Variants in AKR1B15 observed in about 807,000 individuals in gnomAD.
AKR1B15 encodes the protein aldo-keto reductase family 1 member B15.
In AKR1B15, 49 loss-of-function variants were observed where a neutral mutation model predicts 38.5. That is an observed-to-expected ratio of 1.27 (90% CI 1.01 to 1.62). AKR1B15 has a LOEUF of 1.62. Among genes scored for constraint, AKR1B15 ranks in the 40% most tolerant of loss-of-function variants. AKR1B15 has a pLI of 0.00. For missense variants in AKR1B15, 411 were observed against 381.6 expected, an observed-to-expected ratio of 1.08 and a Z score of -0.64; for synonymous variants, 137 against 135.5, an observed-to-expected ratio of 1.01 and a Z score of -0.08.
At chr7:134,569,163 T>G (rs1036280959) in intron 4 of AKR1B15, among the ~76,000 whole-genome samples, 1 of 152,252 alleles carries the variant, frequency 6.6e-6, no homozygotes, top group Middle Eastern at 3.2e-3. Flanking sequence ...CCACATTTAC[T>G]TAAATGATCT....
intron 4 of AKR1B15, 75 bp downstream of exon 4, chr7:134,568,400 A>G (rs778459675): frequency 1.3e-6 from 2 of 1,581,012 alleles, no homozygotes; most frequent in East Asian, 2.2e-5. Context: ...GGGCAGCAAG[A>G]ACTCTGTCGG....
chr7:134,558,235 A>T (rs1794269424), intron 2 of AKR1B15, among the ~76,000 whole-genome samples: 1 of 152,338 alleles, frequency 6.6e-6, no homozygotes, highest in Admixed American at 6.5e-5. Flanking sequence ...ATCTAAGGAA[A>T]TTGCGCCTTG....
At chr7:134,560,509 C>T (rs1332782291) in intron 2 of AKR1B15, among the ~76,000 whole-genome samples, 10 of 152,040 alleles carry the variant, frequency 6.6e-5, no homozygotes, top group Admixed American at 3.3e-4. Flanking sequence ...GGTTGTTACA[C>T]GAAAACAGCT....
rs139789097 is a variant in AKR1B15 at position 134,556,719 on chromosome 7, C to G, written c.-146-17C>G. ...AGAAGGACAACTTCTCATTGCTCCC[C>G]CTGAATTGCATTTCAGGTTTCACCG... On this transcript the variant is annotated splice_polypyrimidine_tract_variant and intron_variant, in intron 1 of 11. Coordinates refer to ENST00000457545, the MANE Select transcript of AKR1B15 (RefSeq NM_001080538.3). 10 of 152,260 alleles carry G rather than the reference C, an allele frequency of 6.6e-5. No individual in the cohort carries two copies. Among genetic ancestry groups the G allele is most frequent in the African/African-American group, 2.4e-4 (10 of 41,534 alleles). 9.4% of individuals were successfully genotyped at this position (152,260 alleles called of 1,614,324 possible).
At chr7:134,577,862 G>A in intron 11 of AKR1B15, 76 bp downstream of exon 11, 2 of 1,524,820 alleles carry the variant, frequency 1.3e-6, no homozygotes, top group Non-Finnish European at 1.8e-6. Flanking sequence ...GGAAGGATTA[G>A]AAGGTTGTTG....
intron 5 of AKR1B15, 93 bp from the exon 6 acceptor site, chr7:134,571,511 G>A (rs1794665928): frequency 1.1e-6 from 1 of 909,586 alleles, no homozygotes; most frequent in Admixed American, 1.9e-5. Context: ...TGCAGATGTG[G>A]TATTTAGCAA....
rs371502538 is a variant in AKR1B15, at chr7:134,575,819, A to G, written c.637-2A>G. ...CGTGATGAGGATTGTTTGCTGTTGC[A>G]GGTTGAGTGTCACCCATACCTCACG... On this transcript the variant is annotated splice_acceptor_variant, in intron 7 of 11. Coordinates refer to ENST00000457545, the MANE Select transcript of AKR1B15 (RefSeq NM_001080538.3). LOFTEE classifies it high-confidence loss of function. 4.3e-6 allele frequency: 7 copies of G among 1,613,670 alleles called. No homozygotes were observed. The highest frequency in any genetic ancestry group is 5.9e-6 in the Non-Finnish European group (7 of 1,179,812).
chr7:134,569,445 G>A lies in AKR1B15; in HGVS notation c.351G>A (p.Val117=), dbSNP rs1200942949. Residue 117 remains valine (V), a synonymous_variant, in exon 5 of 12, where the codon GTG becomes GTA. Coordinates refer to ENST00000457545, the MANE Select transcript of AKR1B15 (RefSeq NM_001080538.3). ...VWPTFFERPL[V]RKAFEKTLKD... ...CCACTTTCTTTGAGAGACCCCTTGTGAGGAAAGCCTTTGAGAAGACCCTCA... is the reference window on the plus strand; with the variant it reads ...CCACTTTCTTTGAGAGACCCCTTGTAAGGAAAGCCTTTGAGAAGACCCTCA... 7.4e-6 allele frequency: 12 copies of A among 1,613,960 alleles called. No homozygotes were observed. The South Asian group carries it at 1.1e-4, about 15-fold the overall frequency.
At chr7:134,557,784 T>C (rs1314091424) in intron 2 of AKR1B15, among the ~76,000 whole-genome samples, 1 of 152,166 alleles carries the variant, frequency 6.6e-6, no homozygotes, top group Non-Finnish European at 1.5e-5. Flanking sequence ...TAGCCCCTTC[T>C]TCGGGGCTGA....
At chr7:134,566,728 T>TC (rs538786741) in intron 3 of AKR1B15, among the ~76,000 whole-genome samples, 459 of 152,264 alleles carry the variant, frequency 3.0e-3, no homozygotes, top group Admixed American at 4.9e-3. Flanking sequence ...CTGACTTTTT[T>TC]CCCTCTCCTG....
intron 2 of AKR1B15, among the ~76,000 whole-genome samples, chr7:134,562,619 G>T (rs7803244): frequency 0.04 from 6,104 of 152,142 alleles, 150 homozygotes; most frequent in South Asian, 0.075. Flanking sequence ...GCTACAGAGT[G>T]CTGATTGGTG....
chr7:134,571,632 A>G lies in AKR1B15; in HGVS notation c.464A>G (p.Asp155Gly). Reference protein sequence around the residue: ...KTGDDFFPKDDKGNMISGKGT... With the variant: ...KTGDDFFPKDGKGNMISGKGT... ...GGGGATGACTTTTTCCCCAAAGATGATAAAGGTAATATGATCAGTGGAAAA... is the reference window on the plus strand; with the variant it reads ...GGGGATGACTTTTTCCCCAAAGATGGTAAAGGTAATATGATCAGTGGAAAA... The change falls in exon 6 of 12, where the codon GAT becomes GGT. Residue 155 changes from aspartate to glycine, a missense_variant. Asp to Gly is a moderately conservative substitution (Grantham distance 94). Around this residue, in one of 3 missense-constraint regions of AKR1B15, gnomAD observed 254 missense variants for 212.4 expected, o/e 1.20. Coordinates refer to ENST00000457545, the MANE Select transcript of AKR1B15 (RefSeq NM_001080538.3). 6.2e-7 allele frequency: 1 copy of G among 1,613,780 alleles called. No individual in the cohort carries two copies.
chr7:134,570,074 C>T (rs1420129045), intron 5 of AKR1B15: 4 of 153,712 alleles, frequency 2.6e-5, no homozygotes, highest in African/African-American at 9.7e-5. Flanking sequence ...CAGCAAGGAA[C>T]AACCCTGAGA....
intron 11 of AKR1B15, among the ~76,000 whole-genome samples, chr7:134,578,847 G>T (rs1204887222): frequency 2.0e-5 from 3 of 152,124 alleles, no homozygotes; most frequent in Non-Finnish European, 4.4e-5. Context: ...CAGCTATTTA[G>T]AGTAAAAAGG....
intron 2 of AKR1B15, among the ~76,000 whole-genome samples, chr7:134,563,694 C>G (rs1477447133): frequency 6.6e-6 from 1 of 152,164 alleles, no homozygotes; most frequent in Non-Finnish European, 1.5e-5. Context: ...TGTTAATGCA[C>G]CAATCAGCAC....
chr7:134,560,202 G>C (rs1009491114), intron 2 of AKR1B15, among the ~76,000 whole-genome samples: 17 of 152,174 alleles, frequency 1.1e-4, no homozygotes, highest in African/African-American at 3.9e-4. Context: ...TCCTGGCCTT[G>C]AGACTTGCTT....
intron 11 of AKR1B15, among the ~76,000 whole-genome samples, chr7:134,578,255 C>A (rs1794807325): frequency 6.6e-6 from 1 of 152,152 alleles, no homozygotes; most frequent in African/African-American, 2.4e-5. Flanking sequence ...GCAAAGTGGA[C>A]AGGAAGTGGT....
At chr7:134,575,103 C>T (rs1413993147) in intron 6 of AKR1B15, among the ~76,000 whole-genome samples, 1 of 152,158 alleles carries the variant, frequency 6.6e-6, no homozygotes, top group African/African-American at 2.4e-5. Context: ...TTATTTTTTT[C>T]ATGATAAAAC....
At chr7:134,567,489 T>C (rs1359627761) in intron 3 of AKR1B15, among the ~76,000 whole-genome samples, 2 of 152,176 alleles carry the variant, frequency 1.3e-5, no homozygotes, top group African/African-American at 4.8e-5. Flanking sequence ...TCAGGTAATG[T>C]GGTTAACTTA....
Sources: gnomAD v4.1 joint callset for allele counts (sites outside exome capture counted in the v4.1 genomes callset) on GRCh38, gnomAD v4.1.1 for gene constraint, gnomAD v4.1.1 regional missense constraint, MANE v1.5 for transcripts, NCBI Gene and HGNC (gene_info 2026-07-23, HGNC 2026-07-21) for gene names.